Variants in SEZ6L observed in about 807,000 individuals in gnomAD.
The protein encoded by SEZ6L is seizure 6-like protein.
SEZ6L carries 37 observed loss-of-function variants against 106.2 expected under a neutral mutation model. The ratio of observed to expected loss-of-function variants is 0.35; its 90% CI spans 0.27 to 0.46. The LOEUF is 0.46. Ranked by LOEUF, SEZ6L falls within the 20% of genes least tolerant of loss-of-function variation. SEZ6L has a pLI of 1.00. For synonymous variants in SEZ6L, 541 were observed against 570.4 expected (o/e 0.95, Z 0.73); for missense variants, 1,172 against 1,332.8 (o/e 0.88, Z 1.88).
Position 26,381,859 on chromosome 22 carries a change from C to A in SEZ6L, c.*1564C>A. On this transcript the variant is annotated 3_prime_UTR_variant, in exon 17 of 17. Transcript: ENST00000248933. ...GGCATTTGGAACCCTCTTTGGTGCC[C>A]TCCCATTCTCTCTGGAATTGTTTCA... 1 of 365,526 alleles carries A rather than the reference C, an allele frequency of 2.7e-6. No homozygotes were observed. The highest frequency in any genetic ancestry group is 2.2e-5 in the South Asian group (1 of 45,626). The allele number at this position is 365,526 out of a possible 1,614,324, so 22.6% of individuals were successfully genotyped here.
At chr22:26,248,373 G>A (rs1479813602) in intron 1 of SEZ6L, among the ~76,000 whole-genome samples, 1 of 152,152 alleles carries the variant, frequency 6.6e-6, no homozygotes, top group Non-Finnish European at 1.5e-5. Context: ...TGTTTAGAGA[G>A]AGACAGGGTC....
In SEZ6L at chr22:26,255,728, G is replaced by A. The variant is rs553006455; in HGVS notation, c.95-36678G>A. ...ATAGCAAAAGCATCCCCAGAGGCAG[G>A]AGAGGGTAACGCGCAGCAGTTGTCT... On this transcript the variant is annotated intron_variant, in intron 1 of 16. Transcript: ENST00000248933. 2.6e-5 allele frequency among the ~76,000 whole-genome samples: 4 copies of A among 152,366 alleles called. No homozygotes were observed. In the South Asian group the frequency reaches 6.2e-4, roughly 24 times the overall value.
chr22:26,210,149 T>A (rs976384901), intron 1 of SEZ6L, among the ~76,000 whole-genome samples: 3 of 152,166 alleles, frequency 2.0e-5, no homozygotes. Context: ...AGCCTCTCAG[T>A]AGAGATGAAC....
intron 8 of SEZ6L, 50 bp downstream of exon 8, chr22:26,312,012 C>T (rs774085363): frequency 1.3e-6 from 2 of 1,564,242 alleles, no homozygotes; most frequent in South Asian, 1.1e-5. Flanking sequence ...GATCTCCACC[C>T]TTTGGATGAG....
chr22:26,339,840 C>T (rs960159637), intron 9 of SEZ6L, among the ~76,000 whole-genome samples: 9 of 152,200 alleles, frequency 5.9e-5, no homozygotes, highest in Non-Finnish European at 1.2e-4. Flanking sequence ...GAAATGGTTG[C>T]CAATAATGGG....
chr22:26,236,603 C>T, intron 1 of SEZ6L, among the ~76,000 whole-genome samples: 1 of 152,058 alleles, frequency 6.6e-6, no homozygotes, highest in East Asian at 1.9e-4. Flanking sequence ...GACTAAACCA[C>T]CAGTTTCAAA....
chr22:26,322,908 C>T (rs1216341074), intron 9 of SEZ6L, among the ~76,000 whole-genome samples: 1 of 152,180 alleles, frequency 6.6e-6, no homozygotes, highest in African/African-American at 2.4e-5. Context: ...ATATTGCTCT[C>T]CTCTCACTCT....
rs575070432 is a variant in SEZ6L at position 26,361,018 on chromosome 22, G to A, written c.2600-4354G>A. Among the ~76,000 whole-genome samples the A allele has an allele frequency of 5.6e-4, 85 of 152,226 alleles. 1 individual carries two copies. The South Asian group carries it at 0.017, about 30-fold the overall frequency. On this transcript the variant is annotated intron_variant, in intron 12 of 16. Coordinates refer to ENST00000248933, the MANE Select transcript of SEZ6L (RefSeq NM_021115.5). ...GGAGTAGGAGTATTAGATACACTAC[G>A]GGGATACCCACGCGGCTTTAAACAG...
At chr22:26,259,100 A>C (rs1328373912) in intron 1 of SEZ6L, among the ~76,000 whole-genome samples, 2 of 152,224 alleles carry the variant, frequency 1.3e-5, no homozygotes, top group Admixed American at 1.3e-4. Context: ...ATACAGAGGG[A>C]ACAGAAATGG....
intron 1 of SEZ6L, among the ~76,000 whole-genome samples, chr22:26,188,446 G>A (rs146235416): frequency 1.4e-4 from 21 of 152,292 alleles, no homozygotes; most frequent in Non-Finnish European, 1.9e-4. Context: ...GAGCATGTAA[G>A]TTTTCCCTCA....
Position 26,382,369 on chromosome 22 carries a change from C to T in SEZ6L, c.*2074C>T, listed in dbSNP as rs16981994. ...CTATGAATAATATTTGATTTTACAA[C>T]GTGTTATGGTTATGTGAAAACTAAA... On this transcript the variant is annotated 3_prime_UTR_variant, in exon 17 of 17. Transcript: ENST00000248933. 0.027 allele frequency: 4,470 copies of T among 164,284 alleles called. 79 individuals are homozygous for T. Among genetic ancestry groups the T allele is most frequent in the Non-Finnish European group, 0.042 (3,129 of 74,948 alleles). The allele number at this position is 164,284 out of a possible 1,614,324, so 10.2% of individuals were successfully genotyped here. A position where few individuals can be genotyped will look rare whatever the true frequency, so the allele number is the denominator to read the frequency against.
chr22:26,292,872 C>A lies in SEZ6L; in HGVS notation c.561C>A (p.Asp187Glu). The change falls in exon 2 of 17, where the codon GAC becomes GAA. Residue 187 changes from aspartate (D) to glutamate (E), a missense_variant. By Grantham distance (45) the Asp-to-Glu change is conservative. Around this residue, in one of 4 missense-constraint regions of SEZ6L, gnomAD observed 494 missense variants for 445.8 expected, o/e 1.11. Coordinates refer to ENST00000248933, the MANE Select transcript of SEZ6L (RefSeq NM_021115.5). ...CATCAGAAGTGCCCCTTTGGCTGGA[C>A]CGAAAGGAGAGTGCGGTCCCTACAA... Reference protein sequence around the residue: ...EEASEVPLWLDRKESAVPTTP... With the variant: ...EEASEVPLWLERKESAVPTTP... The A allele has an allele frequency of 6.2e-7, 1 of 1,614,104 alleles. No homozygotes were observed. The highest frequency in any genetic ancestry group is 8.5e-7 in the Non-Finnish European group (1 of 1,179,976).
chr22:26,302,487 C>T (rs1194647929), intron 5 of SEZ6L, among the ~76,000 whole-genome samples: 2 of 152,130 alleles, frequency 1.3e-5, no homozygotes, highest in East Asian at 1.9e-4. Context: ...AGGCTATGAG[C>T]CATGTGTGAA....
intron 1 of SEZ6L, among the ~76,000 whole-genome samples, chr22:26,177,467 T>C (rs556005585): frequency 6.6e-5 from 10 of 152,382 alleles, no homozygotes; most frequent in African/African-American, 2.4e-4. Context: ...TTGTTTGCCC[T>C]GTGCCTAAGC....
intron 1 of SEZ6L, among the ~76,000 whole-genome samples, chr22:26,270,361 G>A (rs2080323755): frequency 6.6e-6 from 1 of 151,986 alleles, no homozygotes; most frequent in Admixed American, 6.6e-5. Flanking sequence ...GAATTCCTTT[G>A]CATCTATGAA....
intron 1 of SEZ6L, among the ~76,000 whole-genome samples, chr22:26,284,948 A>T (rs776938902): frequency 2.6e-5 from 4 of 152,110 alleles, no homozygotes; most frequent in Non-Finnish European, 5.9e-5. Context: ...ACAAAATGTC[A>T]ACTTTACAGT....
chr22:26,366,771 AC>A (rs2083827969), intron 13 of SEZ6L, among the ~76,000 whole-genome samples: 2 of 152,094 alleles, frequency 1.3e-5, no homozygotes, highest in South Asian at 4.1e-4. Flanking sequence ...TGTATTTAAA[AC>A]TTCCCCACCT....
intron 1 of SEZ6L, among the ~76,000 whole-genome samples, chr22:26,235,880 T>C (rs1208755418): frequency 6.6e-6 from 1 of 152,122 alleles, no homozygotes; most frequent in Admixed American, 6.5e-5. Context: ...AGAAGGAATA[T>C]GATCAGATCA....
At chr22:26,373,347 C>A in intron 13 of SEZ6L, 104 bp from the exon 14 acceptor site, 1 of 979,376 alleles carries the variant, frequency 1.0e-6, no homozygotes, top group Admixed American at 2.2e-5. Context: ...ACTAACTTCA[C>A]CAAAGCATGG....
Sources: allele counts gnomAD v4.1 joint callset (sites outside exome capture counted in the v4.1 genomes callset), GRCh38; gene constraint gnomAD v4.1.1; regional missense constraint gnomAD v4.1.1; transcripts MANE v1.5; gene names NCBI Gene and HGNC (gene_info 2026-07-23, HGNC 2026-07-21).